The following PDCD2L variants were observed in gnomAD, a reference collection of about 807,000 sequenced individuals.
PDCD2L encodes uS5 assembly chaperone PDCD2L.
In PDCD2L, 44 loss-of-function variants were observed where a neutral mutation model predicts 40.4. The ratio of observed to expected loss-of-function variants is 1.09; its 90% CI spans 0.86 to 1.40. The LOEUF (loss-of-function observed/expected upper bound fraction) is 1.40. Among genes scored for constraint, PDCD2L ranks in the 40% most tolerant of loss-of-function variants. The probability of loss-of-function intolerance (pLI) is 0.00; values close to 1 mark genes in which losing one functional copy is unlikely to be tolerated. For missense variants in PDCD2L, 470 were observed against 453.7 expected (o/e 1.04, Z -0.33); for synonymous variants, 194 against 174.6 (o/e 1.11, Z -0.88).
At chr19:34,405,922 GAAAA>G (rs57849299) in intron 3 of PDCD2L, among the ~76,000 whole-genome samples, 43 of 144,690 alleles carry the variant, frequency 3.0e-4, no homozygotes, top group Non-Finnish European at 5.5e-4. Context: ...CAAAACAAAA[GAAAA>G]AAAAAACGTT....
chr19:34,416,911 C>G (rs895418129), intron 5 of PDCD2L, among the ~76,000 whole-genome samples: 3 of 152,024 alleles, frequency 2.0e-5, no homozygotes, highest in Non-Finnish European at 4.4e-5. Flanking sequence ...GTCAGTAGAT[C>G]GAGACCATTC....
chr19:34,417,509 G>A (rs2075131329), intron 5 of PDCD2L, among the ~76,000 whole-genome samples: 1 of 151,874 alleles, frequency 6.6e-6, no homozygotes, highest in Non-Finnish European at 1.5e-5. Flanking sequence ...TCGGGAGGCT[G>A]AGGCAGAAGA....
chr19:34,406,485 A>C (rs916085832), intron 3 of PDCD2L, among the ~76,000 whole-genome samples: 1 of 151,084 alleles, frequency 6.6e-6, no homozygotes, highest in Non-Finnish European at 1.5e-5. Flanking sequence ...TCCTGGGTTC[A>C]CACCATTCTG....
intron 3 of PDCD2L, among the ~76,000 whole-genome samples, chr19:34,406,263 G>A (rs1221092444): frequency 6.6e-6 from 1 of 152,216 alleles, no homozygotes; most frequent in African/African-American, 2.4e-5. Context: ...TGATGGCTAT[G>A]ATTCATGAAT....
chr19:34,413,869 T>C (rs1236157539), intron 5 of PDCD2L, 22 bp downstream of exon 5: 10 of 1,388,060 alleles, frequency 7.2e-6, no homozygotes. Context: ...CACAGTTCCT[T>C]TTATTGTTTT....
intron 4 of PDCD2L, among the ~76,000 whole-genome samples, chr19:34,411,050 C>T (rs985480428): frequency 4.2e-4 from 63 of 151,538 alleles, no homozygotes; most frequent in African/African-American, 1.2e-3. Context: ...CCCAAAGTGC[C>T]GGGATTACAG....
At chr19:34,418,218 A>G (rs1490314688) in intron 5 of PDCD2L, among the ~76,000 whole-genome samples, 1 of 152,178 alleles carries the variant, frequency 6.6e-6, no homozygotes, top group Non-Finnish European at 1.5e-5. Context: ...TGAAATCACA[A>G]CAGTCAAGAC....
intron 6 of PDCD2L, among the ~76,000 whole-genome samples, chr19:34,424,010 T>C (rs977876976): frequency 2.6e-5 from 4 of 152,138 alleles, no homozygotes; most frequent in Non-Finnish European, 5.9e-5. Flanking sequence ...GGGCAACCCA[T>C]GTATAAAATT....
intron 5 of PDCD2L, among the ~76,000 whole-genome samples, chr19:34,414,940 G>C (rs1348891495): frequency 6.6e-6 from 1 of 151,768 alleles, no homozygotes; most frequent in Non-Finnish European, 1.5e-5. Context: ...CTACAGGAGT[G>C]TGCCACCATG....
intron 4 of PDCD2L, 24 bp downstream of exon 4, chr19:34,409,534 TGA>T (rs1269479792): frequency 6.3e-7 from 1 of 1,593,450 alleles, no homozygotes; most frequent in Non-Finnish European, 8.6e-7. Context: ...CTGCTGAGGT[TGA>T]GAGGTGACTG....
chr19:34,409,490 G>T lies in PDCD2L; in HGVS notation c.666G>T (p.Met222Ile). ...ATCAGCAGAGAGAAGGCATTGCCATGGATCAGTTGCTTTCCCAAAGGTGAG... is the reference window on the plus strand; with the variant it reads ...ATCAGCAGAGAGAAGGCATTGCCATTGATCAGTTGCTTTCCCAAAGGTGAG... ...RDYQQREGIA[M>I]DQLLSQSLPN... is the part of the protein sequence containing the mutation. Residue 222 changes from methionine (M) to isoleucine (I), a missense_variant, in exon 4 of 7, where the codon ATG becomes ATT. Met to Ile is a conservative substitution (Grantham distance 10, BLOSUM62 1). Coordinates refer to ENST00000246535, the MANE Select transcript of PDCD2L (RefSeq NM_032346.2). 1 of 1,613,820 alleles carries T rather than the reference G, an allele frequency of 6.2e-7. No homozygotes were observed.
intron 6 of PDCD2L, 148 bp from the exon 7 acceptor site, chr19:34,425,842 A>T: frequency 1.5e-6 from 1 of 675,144 alleles, no homozygotes. Flanking sequence ...TATAGGATAG[A>T]CTGTGATTCT....
intron 3 of PDCD2L, among the ~76,000 whole-genome samples, chr19:34,408,416 C>T (rs188803402): frequency 0.013 from 1,922 of 151,682 alleles, 23 homozygotes; most frequent in Non-Finnish European, 0.018. Context: ...CTGCAACCTC[C>T]GCCTCCCGGG....
intron 5 of PDCD2L, among the ~76,000 whole-genome samples, chr19:34,418,106 C>A (rs1189292168): frequency 6.6e-6 from 1 of 152,176 alleles, no homozygotes; most frequent in Non-Finnish European, 1.5e-5. Flanking sequence ...TGTCTGTTTA[C>A]ATTTATTTTT....
At chr19:34,404,628 G>A in intron 1 of PDCD2L, 21 bp from the exon 2 acceptor site, 1 of 1,605,860 alleles carries the variant, frequency 6.2e-7, no homozygotes, top group Non-Finnish European at 8.5e-7. Context: ...CGGGGTCTGA[G>A]CGCCTCCTCT....
chr19:34,405,011 GTTA>G (rs2075067411), intron 3 of PDCD2L, 21 bp downstream of exon 3: 5 of 1,613,368 alleles, frequency 3.1e-6, no homozygotes, highest in South Asian at 1.1e-5. Context: ...TGATTGGCAT[GTTA>G]TTGTTTTTCT....
rs1188526447 is a variant in PDCD2L, at chr19:34,409,380, C to T, written c.556C>T (p.Leu186=). ...TGTGCCTCCTGGGCTGCCGCTCTTC[C>T]TGCCCTACTACATCTGTGTTGCAGA... is the stretch of plus-strand genomic sequence containing the variant. ...HPVPPGLPLF[L]PYYICVADED... Residue 186 remains leucine, a synonymous_variant, in exon 4 of 7, where the codon CTG becomes TTG. Coordinates refer to ENST00000246535, the MANE Select transcript of PDCD2L (RefSeq NM_032346.2). 4 of 1,614,210 alleles carry T rather than the reference C, an allele frequency of 2.5e-6. No homozygotes were observed. The South Asian group carries it at 4.4e-5, about 18-fold the overall frequency.
rs1388775242 is a variant in PDCD2L at position 34,426,125 on chromosome 19, T to C, written c.*5T>C. On this transcript the variant is annotated 3_prime_UTR_variant, in exon 7 of 7. Transcript: ENST00000246535. The stretch of plus-strand genomic sequence containing the variant: ...GATGAATTATTGTTTAAGTAGAGCA[T>C]TTCCTTTTATTAATATAAATTAAAA... 5 of 1,525,392 alleles carry C rather than the reference T, an allele frequency of 3.3e-6. No homozygotes were observed. Among genetic ancestry groups the C allele is most frequent in the Non-Finnish European group, 4.5e-6 (5 of 1,106,106 alleles). 94.5% of individuals were successfully genotyped at this position (1,525,392 alleles called of 1,614,324 possible). A position where few individuals can be genotyped will look rare whatever the true frequency, so the allele number is the denominator to read the frequency against.
chr19:34,405,010 T>G lies in PDCD2L; in HGVS notation c.336+20T>G. The G allele has an allele frequency of 6.2e-7, 1 of 1,613,486 alleles. No individual in the cohort carries two copies. The highest frequency in any genetic ancestry group is 2.2e-5 in the East Asian group (1 of 44,874). On this transcript the variant is annotated intron_variant, in intron 3 of 6. Transcript: ENST00000246535. ...GCTCAGGTAAAGGTTGTGATTGGCATGTTATTGTTTTTCTGTCATTTGAGG... is the reference window on the plus strand; with the variant it reads ...GCTCAGGTAAAGGTTGTGATTGGCAGGTTATTGTTTTTCTGTCATTTGAGG...
Sources: allele counts gnomAD v4.1 joint callset (sites outside exome capture counted in the v4.1 genomes callset), GRCh38; gene constraint gnomAD v4.1.1; transcripts MANE v1.5; gene names NCBI Gene and HGNC (gene_info 2026-07-23, HGNC 2026-07-21).